PIK3CG: variants seen among roughly 807,000 people sequenced by gnomAD.
PIK3CG encodes the protein phosphatidylinositol-4,5-bisphosphate 3-kinase catalytic subunit gamma.
PIK3CG carries 55 observed loss-of-function variants against 102.3 expected under a neutral mutation model. That is an observed-to-expected ratio of 0.54 (90% CI 0.43 to 0.67). PIK3CG has a LOEUF of 0.67. PIK3CG is among the 30% of genes least tolerant of loss of function. PIK3CG has a pLI of 0.00. For synonymous variants in PIK3CG, 552 were observed against 540.0 expected, an observed-to-expected ratio of 1.02 and a Z score of -0.31; for missense variants, 1,258 against 1,391.8, an observed-to-expected ratio of 0.90 and a Z score of 1.53.
In PIK3CG at chr7:106,868,637, G is replaced by A. The variant is rs144565710; in HGVS notation, c.1076G>A (p.Arg359His). 985 of 1,614,200 alleles carry A rather than the reference G, an allele frequency of 6.1e-4. No individual in the cohort carries two copies. Among genetic ancestry groups the A allele is most frequent in the South Asian group, 8.7e-4 (79 of 91,084 alleles). ...ACCGTGTCCCTGTGGGACTGCGACC[G>A]CAAGTTCAGGGTCAAGATCAGAGGC... is the stretch of plus-strand genomic sequence containing the variant. The part of the protein sequence containing the change: ...VFTVSLWDCD[R>H]KFRVKIRGID... The change falls in exon 2 of 11, where the codon CGC becomes CAC. Residue 359 changes from arginine (R) to histidine (H), a missense_variant. Physicochemically the swap from Arg to His is conservative, Grantham distance 29. This residue lies in a region of PIK3CG where 832 missense variants were observed against 787.5 expected (regional missense o/e 1.06). Transcript: ENST00000496166. The surrounding 1 kb of genome is among the most constrained non-coding windows in gnomAD (Gnocchi z 6.2).
rs983368973 is a variant in PIK3CG, at chr7:106,908,750, AT to A, written c.*3369del. Reference sequence around the variant, plus strand: ...AGTGCTATATTAATGGAAATTAATTATTTTTTAAGTAAGTCCAAAAAATAAT... The same window carrying A: ...AGTGCTATATTAATGGAAATTAATTATTTTTAAGTAAGTCCAAAAAATAAT... On this transcript the variant is annotated 3_prime_UTR_variant, in exon 11 of 11. Transcript: ENST00000496166. The surrounding 1 kb of genome is among the most constrained non-coding windows in gnomAD (Gnocchi z 4.1). 6.6e-6 allele frequency among the ~76,000 whole-genome samples: 1 copy of A among 152,208 alleles called. No individual in the cohort carries two copies. Among genetic ancestry groups the A allele is most frequent in the African/African-American group, 2.4e-5 (1 of 41,454 alleles).
rs762874117 is a variant in PIK3CG at position 106,892,997 on chromosome 7, A to C, written c.3030+6705A>C. ...AGTAGAATTTGAGTCAAGAAAGGAA[A>C]TTTGGGTCCAACTTGAAGCAGTACA... On this transcript the variant is annotated intron_variant, in intron 10 of 10. Coordinates refer to ENST00000496166, the MANE Select transcript of PIK3CG (RefSeq NM_001282426.2). The surrounding 1 kb of genome is among the most constrained non-coding windows in gnomAD (Gnocchi z 5.2). Among the ~76,000 whole-genome samples, 13 of 152,300 alleles carry C rather than the reference A, an allele frequency of 8.5e-5. No homozygotes were observed. The highest frequency in any genetic ancestry group is 3.4e-3 in the Middle Eastern group (1 of 294).
chr7:106,905,016 AC>A lies in PIK3CG; in HGVS notation c.3031-92del. ...GATGGTTTCTTCTCATGGACAGGTA[AC>A]TCTATGTACATTTCAGTACATCCCT... On this transcript the variant is annotated intron_variant, in intron 10 of 10. Coordinates refer to ENST00000496166, the MANE Select transcript of PIK3CG (RefSeq NM_001282426.2). This position sits in a 1 kb window ranked among gnomAD's most constrained non-coding sequence, Gnocchi z 5.6. 9.1e-7 allele frequency: 1 copy of A among 1,097,682 alleles called. No individual in the cohort carries two copies. Among genetic ancestry groups the A allele is most frequent in the Non-Finnish European group, 1.3e-6 (1 of 754,602 alleles). 68.0% of individuals were successfully genotyped at this position (1,097,682 alleles called of 1,614,324 possible). A position where few individuals can be genotyped will look rare whatever the true frequency, so the allele number is the denominator to read the frequency against.
intron 5 of PIK3CG, among the ~76,000 whole-genome samples, chr7:106,878,426 A>G (rs925752712): frequency 2.0e-5 from 3 of 152,012 alleles, no homozygotes; most frequent in African/African-American, 7.2e-5. Context: ...TTTTCAACCA[A>G]TTTTTTATGT....
At chr7:106,886,344 C>G (rs2116563621) in intron 10 of PIK3CG, 52 bp downstream of exon 10, 1 of 1,586,246 alleles carries the variant, frequency 6.3e-7, no homozygotes, top group Non-Finnish European at 8.6e-7. Context: ...GCAGATGGTT[C>G]CTGCAGCACT....
chr7:106,881,352 T>C (rs1249389216), intron 6 of PIK3CG, among the ~76,000 whole-genome samples: 1 of 152,204 alleles, frequency 6.6e-6, no homozygotes, highest in Non-Finnish European at 1.5e-5. Context: ...CTATCCACAT[T>C]ATAGGGCAAT....
chr7:106,895,163 C>T lies in PIK3CG; in HGVS notation c.3030+8871C>T, dbSNP rs991543133. Among the ~76,000 whole-genome samples, 2 of 152,206 alleles carry T rather than the reference C, an allele frequency of 1.3e-5. No individual in the cohort carries two copies. Among genetic ancestry groups the T allele is most frequent in the African/African-American group, 4.8e-5 (2 of 41,450 alleles). On this transcript the variant is annotated intron_variant, in intron 10 of 10. Transcript: ENST00000496166. This position sits in a 1 kb window ranked among gnomAD's most constrained non-coding sequence, Gnocchi z 5.4. Reference sequence around the variant, plus strand: ...CATTAACAAGTGCATTAAACCAAGTCCTCGAAGTCAGATTTTTCCCTTACT... The same window carrying T: ...CATTAACAAGTGCATTAAACCAAGTTCTCGAAGTCAGATTTTTCCCTTACT...
chr7:106,894,744 A>T lies in PIK3CG; in HGVS notation c.3030+8452A>T, dbSNP rs1293616344. Among the ~76,000 whole-genome samples, 1 of 152,250 alleles carries T rather than the reference A, an allele frequency of 6.6e-6. No individual in the cohort carries two copies. The highest frequency in any genetic ancestry group is 1.5e-5 in the Non-Finnish European group (1 of 68,038). ...AGTGGAGGTTCCACTTCATTTCTAG[A>T]TGAAAATGGAGGATTTTGATGTTAA... On this transcript the variant is annotated intron_variant, in intron 10 of 10. Transcript: ENST00000496166. This position sits in a 1 kb window ranked among gnomAD's most constrained non-coding sequence, Gnocchi z 4.4.
In PIK3CG at chr7:106,868,109, C is replaced by A. The variant is rs755975307; in HGVS notation, c.548C>A (p.Pro183Gln). 5 of 1,612,990 alleles carry A rather than the reference C, an allele frequency of 3.1e-6. No individual in the cohort carries two copies. The highest frequency in any genetic ancestry group is 2.7e-5 in the African/African-American group (2 of 75,038). ...TTCACGCGCCGTGGCTTGGTGACCC[C>A]GCGCATGGCGGAGGTGGCCAGCCGC... ...LEFTRRGLVT[P>Q]RMAEVASRDP... The change falls in exon 2 of 11, where the codon CCG becomes CAG. Residue 183 changes from proline (P) to glutamine (Q), a missense_variant. By Grantham distance (76) the Pro-to-Gln change is moderately conservative. This residue lies in a region of PIK3CG where 832 missense variants were observed against 787.5 expected (regional missense o/e 1.06). Coordinates refer to ENST00000496166, the MANE Select transcript of PIK3CG (RefSeq NM_001282426.2). The surrounding 1 kb of genome is among the most constrained non-coding windows in gnomAD (Gnocchi z 6.2).
chr7:106,885,176 A>AC (rs1337578003), intron 9 of PIK3CG, among the ~76,000 whole-genome samples: 1 of 152,076 alleles, frequency 6.6e-6, no homozygotes, highest in Non-Finnish European at 1.5e-5. Context: ...CTCTAGAGAG[A>AC]CCACCTCACT....
At position 106,874,854 on chromosome 7, in the gene PIK3CG, T is replaced by TTG. The variant is rs1790672713; in HGVS notation, c.2391+51_2391+52insTG. 1.6e-6 allele frequency: 2 copies of TTG among 1,220,070 alleles called. No homozygotes were observed. Among genetic ancestry groups the TTG allele is most frequent in the Non-Finnish European group, 2.4e-6 (2 of 831,628 alleles). The allele number at this position is 1,220,070 out of a possible 1,614,324, so 75.6% of individuals were successfully genotyped here. A position where few individuals can be genotyped will look rare whatever the true frequency, so the allele number is the denominator to read the frequency against. On this transcript the variant is annotated intron_variant, in intron 5 of 10. Coordinates refer to ENST00000496166, the MANE Select transcript of PIK3CG (RefSeq NM_001282426.2). The surrounding 1 kb of genome is among the most constrained non-coding windows in gnomAD (Gnocchi z 4.3). ...GTGGTCTTTATGTCTTGAAGATGTC[T>TTG]AACGTGCTTGCTGGGGCCCAGTACT... is the stretch of plus-strand genomic sequence containing the variant.
In PIK3CG at chr7:106,872,449, G is replaced by C. The variant is rs1453144614; in HGVS notation, c.1996-88G>C. 9.9e-7 allele frequency: 1 copy of C among 1,013,420 alleles called. No homozygotes were observed. 62.8% of individuals were successfully genotyped at this position (1,013,420 alleles called of 1,614,324 possible). On this transcript the variant is annotated intron_variant, in intron 2 of 10. Transcript: ENST00000496166. This position sits in a 1 kb window ranked among gnomAD's most constrained non-coding sequence, Gnocchi z 5.3. ...TTTCTAGCCGTGAAGACCCAGTAAA[G>C]CAGAGCACCAGTTCTTCTCCATTTC...
rs968066070 is a variant in PIK3CG at position 106,877,144 on chromosome 7, G to A, written c.2391+2341G>A. On this transcript the variant is annotated intron_variant, in intron 5 of 10. Transcript: ENST00000496166. This position sits in a 1 kb window ranked among gnomAD's most constrained non-coding sequence, Gnocchi z 4.5. ...GCTCAGGAGTTTGATACTGCAGTGA[G>A]CTGTGTTTGTGCCACTGCATTCCAA... Among the ~76,000 whole-genome samples, 2 of 152,230 alleles carry A rather than the reference G, an allele frequency of 1.3e-5. No homozygotes were observed. Among genetic ancestry groups the A allele is most frequent in the African/African-American group, 4.8e-5 (2 of 41,466 alleles).
At chr7:106,871,764 TTG>T (rs1426778181) in intron 2 of PIK3CG, among the ~76,000 whole-genome samples, 1 of 152,232 alleles carries the variant, frequency 6.6e-6, no homozygotes, top group African/African-American at 2.4e-5. Context: ...CAAGATTTAA[TTG>T]TGTTTTTTAC....
rs951787467 is a variant in PIK3CG, at chr7:106,877,517, A to G, written c.2392-2002A>G. Among the ~76,000 whole-genome samples, 4 of 152,208 alleles carry G rather than the reference A, an allele frequency of 2.6e-5. No individual in the cohort carries two copies. The highest frequency in any genetic ancestry group is 4.8e-5 in the African/African-American group (2 of 41,450). ...TTCTTACATTGAAGTCTGCAATCCA[A>G]TTTGAGTTAATTTTTGTGTACAGTG... On this transcript the variant is annotated intron_variant, in intron 5 of 10. Coordinates refer to ENST00000496166, the MANE Select transcript of PIK3CG (RefSeq NM_001282426.2). The surrounding 1 kb of genome is among the most constrained non-coding windows in gnomAD (Gnocchi z 4.5).
intron 5 of PIK3CG, among the ~76,000 whole-genome samples, chr7:106,875,032 A>G (rs868621091): frequency 6.6e-6 from 1 of 152,172 alleles, no homozygotes; most frequent in Admixed American, 6.5e-5. Context: ...TTCTTTGTAT[A>G]CAATAAAAAT....
intron 2 of PIK3CG, among the ~76,000 whole-genome samples, chr7:106,871,225 C>T (rs561613879): frequency 6.6e-6 from 1 of 152,324 alleles, no homozygotes; most frequent in East Asian, 1.9e-4. Flanking sequence ...GAGATCTGCA[C>T]TGTCTTTACA....
intron 10 of PIK3CG, among the ~76,000 whole-genome samples, chr7:106,898,586 C>A (rs1282126230): frequency 1.3e-5 from 2 of 152,148 alleles, no homozygotes; most frequent in Non-Finnish European, 2.9e-5. Flanking sequence ...CAGCTTCAAT[C>A]TTCTGCATAT....
Position 106,893,468 on chromosome 7 carries a change from C to G in PIK3CG, c.3030+7176C>G, listed in dbSNP as rs984716463. Reference sequence around the variant, plus strand: ...AATCCAAAACTGGAAAGATAATAACCTTTTAATTGACATCATTCTCTCAAT... The same window carrying G: ...AATCCAAAACTGGAAAGATAATAACGTTTTAATTGACATCATTCTCTCAAT... On this transcript the variant is annotated intron_variant, in intron 10 of 10. Transcript: ENST00000496166. The surrounding 1 kb of genome is among the most constrained non-coding windows in gnomAD (Gnocchi z 4.4). Among the ~76,000 whole-genome samples the G allele has an allele frequency of 1.2e-4, 18 of 152,126 alleles. No individual in the cohort carries two copies. Among genetic ancestry groups the G allele is most frequent in the Admixed American group, 1.1e-3 (17 of 15,274 alleles).
Sources: gnomAD v4.1 joint callset for allele counts (sites outside exome capture counted in the v4.1 genomes callset) on GRCh38, gnomAD v4.1.1 for gene constraint, gnomAD v4.1.1 regional missense constraint, Gnocchi (gnomAD v3.1) non-coding constraint, MANE v1.5 for transcripts, NCBI Gene and HGNC (gene_info 2026-07-23, HGNC 2026-07-21) for gene names.